Variants in CNST observed in about 807,000 individuals in gnomAD.
The protein encoded by CNST is consortin.
A neutral mutation model predicts 72.4 loss-of-function variants in CNST; 39 were observed. That is an observed-to-expected ratio of 0.54 (90% CI 0.42 to 0.70). The LOEUF (loss-of-function observed/expected upper bound fraction) is 0.70, where lower values mean the gene tolerates loss of function less well. CNST is among the 30% of genes least tolerant of loss of function. CNST has a pLI of 0.00. For synonymous variants in CNST, 332 were observed against 320.1 expected (o/e 1.04, Z -0.40); for missense variants, 871 against 868.5 (o/e 1.00, Z -0.04).
intron 9 of CNST, among the ~76,000 whole-genome samples, chr1:246,659,339 A>C (rs916711364): frequency 7.2e-5 from 11 of 152,334 alleles, no homozygotes; most frequent in East Asian, 1.9e-4. Flanking sequence ...TCACACCTGT[A>C]ATCCCAGCAC....
chr1:246,660,567 A>G (rs1229850148), intron 10 of CNST, among the ~76,000 whole-genome samples: 1 of 152,228 alleles, frequency 6.6e-6, no homozygotes, highest in East Asian at 1.9e-4. Flanking sequence ...GTCCACTAAA[A>G]TTAGAAAAAT....
chr1:246,574,610 A>C (rs1660278223), intron 1 of CNST, among the ~76,000 whole-genome samples: 1 of 151,744 alleles, frequency 6.6e-6, no homozygotes, highest in African/African-American at 2.4e-5. Flanking sequence ...TTGCAGAGAT[A>C]GGGCCTCCCT....
intron 2 of CNST, among the ~76,000 whole-genome samples, chr1:246,592,486 C>CA (rs909581254): frequency 8.0e-5 from 12 of 150,156 alleles, no homozygotes; most frequent in African/African-American, 2.7e-4. Flanking sequence ...GACTTCGTCT[C>CA]AAAAAAAAAG....
At chr1:246,614,157 T>G (rs1486166953) in intron 2 of CNST, among the ~76,000 whole-genome samples, 2 of 152,190 alleles carry the variant, frequency 1.3e-5, no homozygotes, top group African/African-American at 2.4e-5. Context: ...TTCGCATATA[T>G]ATAGTGAGAT....
chr1:246,659,403 G>A (rs573798724), intron 9 of CNST, among the ~76,000 whole-genome samples: 1,680 of 152,192 alleles, frequency 0.011, 12 homozygotes, highest in Middle Eastern at 0.031. Flanking sequence ...GACCATCCTG[G>A]CTAACTCGGT....
intron 3 of CNST, 58 bp from the exon 4 acceptor site, chr1:246,631,836 T>C: frequency 9.7e-7 from 1 of 1,034,876 alleles, no homozygotes; most frequent in East Asian, 2.4e-5. Flanking sequence ...TGTTTCAAAT[T>C]TATCTTCTCA....
intron 10 of CNST, among the ~76,000 whole-genome samples, chr1:246,664,963 C>A (rs1485660978): frequency 1.3e-5 from 2 of 152,018 alleles, no homozygotes; most frequent in Non-Finnish European, 2.9e-5. Flanking sequence ...CAAAAGAGAT[C>A]CCACCCAAAG....
chr1:246,645,978 G>A (rs1666038191), intron 8 of CNST, among the ~76,000 whole-genome samples: 1 of 151,948 alleles, frequency 6.6e-6, no homozygotes, highest in African/African-American at 2.4e-5. Context: ...GCTACCCTTT[G>A]CTACCTCCCT....
At chr1:246,629,913 G>A (rs145716612) in intron 3 of CNST, among the ~76,000 whole-genome samples, 1 of 152,170 alleles carries the variant, frequency 6.6e-6, no homozygotes, top group Non-Finnish European at 1.5e-5. Context: ...TGTGTTTTTA[G>A]TAGAGACAGT....
chr1:246,665,092 G>A (rs1667334141), intron 10 of CNST, among the ~76,000 whole-genome samples: 1 of 152,146 alleles, frequency 6.6e-6, no homozygotes. Context: ...CTGTCGGGGT[G>A]GGCATGCTGG....
intron 1 of CNST, among the ~76,000 whole-genome samples, chr1:246,582,086 C>T (rs1660820855): frequency 6.6e-6 from 1 of 152,018 alleles, no homozygotes; most frequent in Non-Finnish European, 1.5e-5. Context: ...TGTATGTACT[C>T]CTTATATTTA....
In CNST at chr1:246,662,915, T is replaced by C. The variant is rs540692025; in HGVS notation, c.1972+2581T>C. ...ACAGCTCAGACAGGTCTAGGACATATAAATAAAACAAACAGCATAGATGCT... is the reference window on the plus strand; with the variant it reads ...ACAGCTCAGACAGGTCTAGGACATACAAATAAAACAAACAGCATAGATGCT... On this transcript the variant is annotated intron_variant, in intron 10 of 10. Transcript: ENST00000366513. Among the ~76,000 whole-genome samples, 6 of 152,326 alleles carry C rather than the reference T, an allele frequency of 3.9e-5. No individual in the cohort carries two copies. The South Asian group carries it at 1.0e-3, about 26-fold the overall frequency.
At chr1:246,605,250 T>C (rs1662638436) in intron 2 of CNST, among the ~76,000 whole-genome samples, 1 of 152,150 alleles carries the variant, frequency 6.6e-6, no homozygotes, top group Non-Finnish European at 1.5e-5. Context: ...CAAAATATGG[T>C]GCTTGAGTTG....
Position 246,647,984 on chromosome 1 carries a change from G to T in CNST, c.1783G>T (p.Asp595Tyr). ...TAGTCTCCAGGAGAATCTGCCTTCT[G>T]ATGAGAGCTGTCTTTCTCTTGATGA... ...SYSLQENLPS[D>Y]ESCLSLDDLA... Residue 595 changes from aspartate (D) to tyrosine (Y), a missense_variant, in exon 9 of 11, where the codon GAT (aspartate) becomes TAT (tyrosine). Coordinates refer to ENST00000366513, the MANE Select transcript of CNST (RefSeq NM_152609.3). The T allele has an allele frequency of 6.2e-7, 1 of 1,613,722 alleles. No homozygotes were observed. The highest frequency in any genetic ancestry group is 8.5e-7 in the Non-Finnish European group (1 of 1,180,026).
chr1:246,599,962 G>A (rs569976120), intron 2 of CNST, among the ~76,000 whole-genome samples: 1 of 152,340 alleles, frequency 6.6e-6, no homozygotes, highest in South Asian at 2.1e-4. Context: ...ACTAACAAGT[G>A]CAGTCTAGCA....
chr1:246,640,010 G>A (rs975741413), intron 6 of CNST, among the ~76,000 whole-genome samples: 8 of 152,182 alleles, frequency 5.3e-5, no homozygotes, highest in Admixed American at 3.9e-4. Context: ...TGCACTTGTC[G>A]CACAAGTGGC....
At chr1:246,567,326 G>C (rs1659772219) in intron 1 of CNST, among the ~76,000 whole-genome samples, 1 of 151,202 alleles carries the variant, frequency 6.6e-6, no homozygotes, top group African/African-American at 2.4e-5. Flanking sequence ...ACTAAAAATA[G>C]GATGCTGTAA....
At chr1:246,623,880 C>A (rs1664249024) in intron 3 of CNST, among the ~76,000 whole-genome samples, 1 of 128,698 alleles carries the variant, frequency 7.8e-6, no homozygotes, top group Non-Finnish European at 1.6e-5. Context: ...TAGGCAACAT[C>A]ATGAAACCTT....
chr1:246,651,807 T>A (rs1666462623), intron 9 of CNST, among the ~76,000 whole-genome samples: 1 of 152,178 alleles, frequency 6.6e-6, no homozygotes, highest in East Asian at 1.9e-4. Flanking sequence ...TTAAAAAGCA[T>A]CAAAAATTTT....
Sources: gnomAD v4.1 joint callset for allele counts (sites outside exome capture counted in the v4.1 genomes callset) on GRCh38, gnomAD v4.1.1 for gene constraint, MANE v1.5 for transcripts, NCBI Gene and HGNC (gene_info 2026-07-23, HGNC 2026-07-21) for gene names.